BHMT: variants seen among roughly 807,000 people sequenced by gnomAD.
BHMT encodes betaine--homocysteine S-methyltransferase 1.
Under a neutral mutation model 49.5 loss-of-function variants are expected in BHMT, and 38 were observed. The ratio of observed to expected loss-of-function variants is 0.77; its 90% confidence interval spans 0.59 to 1.01. The LOEUF is 1.01. BHMT is among the 50% of genes least tolerant of loss of function. BHMT has a pLI of 0.00. For missense variants in BHMT, 426 were observed against 495.7 expected (o/e 0.86, Z 1.34); for synonymous variants, 166 against 176.3 (o/e 0.94, Z 0.46).
chr5:79,112,145 C>T (rs1001204657), intron 1 of BHMT, among the ~76,000 whole-genome samples: 1 of 152,150 alleles, frequency 6.6e-6, no homozygotes, highest in African/African-American at 2.4e-5. Context: ...GAGCGCGCCC[C>T]CAGAGCGCCT....
intron 3 of BHMT, 24 bp from the exon 4 acceptor site, chr5:79,120,326 G>T (rs371204172): frequency 1.3e-6 from 2 of 1,531,910 alleles, no homozygotes; most frequent in Non-Finnish European, 1.8e-6. Flanking sequence ...AAATTTAGAT[G>T]TCTCATATAC....
In BHMT at chr5:79,115,878, G is replaced by A; in HGVS notation, c.145G>A (p.Ala49Thr). The A allele has an allele frequency of 6.2e-7, 1 of 1,613,582 alleles. No homozygotes were observed. The highest frequency in any genetic ancestry group is 8.5e-7 in the Non-Finnish European group (1 of 1,179,766). Residue 49 changes from alanine to threonine, a missense_variant, in exon 2 of 8, where the codon GCT becomes ACT. Ala to Thr is a moderately conservative substitution (Grantham distance 58). Around this residue, in one of 3 missense-constraint regions of BHMT, gnomAD observed 321 missense variants for 355.9 expected, o/e 0.90. Transcript: ENST00000274353. ...VKAGPWTPEA[A>T]VEHPEAVRQL... ...GGCAGGACCCTGGACTCCTGAAGCT[G>A]CTGTGGAGCACCCAGAAGCAGGTTG...
rs750512276 is a variant in BHMT, at chr5:79,131,113, G to T, written c.1218G>T (p.Gln406His). Residue 406 changes from glutamine to histidine, a missense_variant, in exon 8 of 8, where the codon CAG becomes CAT. This residue lies in a region of BHMT where 73 missense variants were observed against 68.3 expected (regional missense o/e 1.07). Coordinates refer to ENST00000274353, the MANE Select transcript of BHMT (RefSeq NM_001713.3). Reference sequence around the variant, plus strand: ...TTGAAAAACAAAAATTCAAATCACAGTAGCCTCGATAGAAGCTATTTTTGA... The same window carrying T: ...TTGAAAAACAAAAATTCAAATCACATTAGCCTCGATAGAAGCTATTTTTGA... The part of the protein sequence containing the change: ...ELFEKQKFKS[Q>H] 36 of 1,611,586 alleles carry T rather than the reference G, an allele frequency of 2.2e-5. No homozygotes were observed. The highest frequency in any genetic ancestry group is 6.7e-5 in the Admixed American group (4 of 59,652).
intron 7 of BHMT, among the ~76,000 whole-genome samples, chr5:79,128,596 G>T (rs985350515): frequency 1.1e-4 from 17 of 151,358 alleles, no homozygotes; most frequent in Non-Finnish European, 2.4e-4. Context: ...GTGATTTTGT[G>T]CTCTAGTAAA....
rs921788904 is a variant in BHMT at position 79,132,130 on chromosome 5, A to C, written c.*1014A>C. On this transcript the variant is annotated 3_prime_UTR_variant, in exon 8 of 8. Coordinates refer to ENST00000274353, the MANE Select transcript of BHMT (RefSeq NM_001713.3). Reference sequence around the variant, plus strand: ...ATAATTTAATATCTACTCTCCTACAAAAGCTCAAGCCTGAAGATACAAGAC... The same window carrying C: ...ATAATTTAATATCTACTCTCCTACACAAGCTCAAGCCTGAAGATACAAGAC... 6.6e-6 allele frequency: 1 copy of C among 152,232 alleles called. No homozygotes were observed. Among genetic ancestry groups the C allele is most frequent in the Non-Finnish European group, 1.5e-5 (1 of 68,046 alleles). 9.4% of individuals were successfully genotyped at this position (152,232 alleles called of 1,614,324 possible).
At position 79,115,674 on chromosome 5, in the gene BHMT, C is replaced by T. The variant is rs61051851; in HGVS notation, c.34-93C>T. The T allele has an allele frequency of 1.3e-3, 1,823 of 1,356,242 alleles. 28 individuals carry two copies. In the African/African-American group the frequency reaches 0.024, roughly 18 times the overall value. 84.0% of individuals were successfully genotyped at this position (1,356,242 alleles called of 1,614,324 possible). On this transcript the variant is annotated intron_variant, in intron 1 of 7. Coordinates refer to ENST00000274353, the MANE Select transcript of BHMT (RefSeq NM_001713.3). ...CTCTGAAAATTCTAAAATAACCACA[C>T]ATCTCCAAGAATATGTTAGCAAAAG...
At chr5:79,117,849 G>A (rs1030192742) in intron 2 of BHMT, among the ~76,000 whole-genome samples, 5 of 152,040 alleles carry the variant, frequency 3.3e-5, no homozygotes, top group African/African-American at 9.7e-5. Flanking sequence ...TTCTCCTAAC[G>A]AAAACAACCA....
At chr5:79,113,278 T>C (rs1234522299) in intron 1 of BHMT, among the ~76,000 whole-genome samples, 1 of 152,180 alleles carries the variant, frequency 6.6e-6, no homozygotes, top group East Asian at 1.9e-4. Context: ...CCACAGAGAC[T>C]GGGAAGGATG....
chr5:79,128,248 C>T (rs765350853), intron 7 of BHMT: 107 of 383,146 alleles, frequency 2.8e-4, no homozygotes, highest in African/African-American at 4.6e-4. Context: ...AGGCTGGGTG[C>T]GGTGGCTCGC....
In BHMT at chr5:79,111,847, T is replaced by G; in HGVS notation, c.-39T>G. 1 of 1,610,724 alleles carries G rather than the reference T, an allele frequency of 6.2e-7. No individual in the cohort carries two copies. Among genetic ancestry groups the G allele is most frequent in the South Asian group, 1.1e-5 (1 of 90,542 alleles). On this transcript the variant is annotated 5_prime_UTR_variant, in exon 1 of 8. Transcript: ENST00000274353. ...GCAGCGGGAAGGCTCGCCTAGTCGGTCCGCATCCGTGTCGACCACCTGTCT... is the reference window on the plus strand; with the variant it reads ...GCAGCGGGAAGGCTCGCCTAGTCGGGCCGCATCCGTGTCGACCACCTGTCT...
Position 79,131,120 on chromosome 5 carries a change from C to G in BHMT, c.*4C>G, listed in dbSNP as rs374086802. 6.9e-6 allele frequency: 11 copies of G among 1,603,714 alleles called. No individual in the cohort carries two copies. Among genetic ancestry groups the G allele is most frequent in the Admixed American group, 1.7e-5 (1 of 58,140 alleles). On this transcript the variant is annotated 3_prime_UTR_variant, in exon 8 of 8. Transcript: ENST00000274353. The stretch of plus-strand genomic sequence containing the variant: ...ACAAAAATTCAAATCACAGTAGCCT[C>G]GATAGAAGCTATTTTTGATGAATTT...
intron 1 of BHMT, 115 bp downstream of exon 1, chr5:79,112,033 A>T: frequency 8.4e-7 from 1 of 1,186,326 alleles, no homozygotes. Flanking sequence ...TCATCCTCCT[A>T]CTCCCTCCCC....
At chr5:79,112,064 A>G in intron 1 of BHMT, 146 bp downstream of exon 1, 1 of 1,051,010 alleles carries the variant, frequency 9.5e-7, no homozygotes, top group Non-Finnish European at 1.3e-6. Flanking sequence ...TCAGACCAGA[A>G]TGTGCTTCCA....
At chr5:79,123,749 A>C (rs1165351647) in intron 5 of BHMT, among the ~76,000 whole-genome samples, 1 of 151,980 alleles carries the variant, frequency 6.6e-6, no homozygotes, top group Non-Finnish European at 1.5e-5. Context: ...ACGGGGTTTC[A>C]CCATGTTGGC....
chr5:79,118,606 C>T (rs770450266), intron 2 of BHMT, among the ~76,000 whole-genome samples: 9 of 152,224 alleles, frequency 5.9e-5, no homozygotes, highest in Non-Finnish European at 1.2e-4. Flanking sequence ...GTATTAATTA[C>T]ATCATCCAGT....
chr5:79,119,767 G>A (rs1756439669), intron 3 of BHMT, among the ~76,000 whole-genome samples: 1 of 152,174 alleles, frequency 6.6e-6, no homozygotes, highest in South Asian at 2.1e-4. Context: ...TCTACTTTGT[G>A]ATGTTGAACC....
chr5:79,121,611 G>A (rs1328287932), intron 5 of BHMT, among the ~76,000 whole-genome samples: 2 of 151,966 alleles, frequency 1.3e-5, no homozygotes, highest in African/African-American at 4.8e-5. Context: ...TCAGGAGATC[G>A]AGACCATCCC....
At chr5:79,114,580 T>A (rs948825432) in intron 1 of BHMT, among the ~76,000 whole-genome samples, 1 of 152,228 alleles carries the variant, frequency 6.6e-6, no homozygotes, top group African/African-American at 2.4e-5. Context: ...TTATTGGTAG[T>A]AAGTGGAACA....
intron 4 of BHMT, 76 bp downstream of exon 4, chr5:79,120,617 G>A: frequency 7.3e-7 from 1 of 1,375,360 alleles, no homozygotes; most frequent in Non-Finnish European, 9.7e-7. Context: ...CAAGAGTACT[G>A]TGTGGGGTTA....
Sources: allele counts gnomAD v4.1 joint callset (sites outside exome capture counted in the v4.1 genomes callset), GRCh38; gene constraint gnomAD v4.1.1; regional missense constraint gnomAD v4.1.1; transcripts MANE v1.5; gene names NCBI Gene and HGNC (gene_info 2026-07-23, HGNC 2026-07-21).